The following KIAA1549 variants were observed in gnomAD, a reference collection of about 807,000 sequenced individuals.
The protein encoded by KIAA1549 is KIAA1549, also known as UPF0606 protein KIAA1549.
Under a neutral mutation model 156.4 loss-of-function variants are expected in KIAA1549, and 70 were observed. The ratio of observed to expected loss-of-function variants is 0.45; its 90% CI spans 0.37 to 0.55. KIAA1549 has a LOEUF of 0.55. Among genes scored for constraint, KIAA1549 ranks in the 20% least tolerant of loss-of-function variants. KIAA1549 has a pLI of 0.00. For missense variants in KIAA1549, 2,428 were observed against 2,540.9 expected (o/e 0.96, Z 0.96); for synonymous variants, 1,103 against 1,066.4 (o/e 1.03, Z -0.67).
chr7:138,975,428 GGACA>G (rs1814346227), intron 1 of KIAA1549, among the ~76,000 whole-genome samples: 1 of 143,464 alleles, frequency 7.0e-6, no homozygotes, highest in African/African-American at 3.0e-5. Context: ...AACAGAAAAA[GGACA>G]GATGCTGCTT....
At chr7:138,930,676 G>C (rs1563082671) in intron 1 of KIAA1549, among the ~76,000 whole-genome samples, 1 of 152,200 alleles carries the variant, frequency 6.6e-6, no homozygotes, top group Admixed American at 6.5e-5. Context: ...TTAGAGCCTT[G>C]CTCTGGATTA....
intron 4 of KIAA1549, 70 bp from the exon 5 acceptor site, chr7:138,909,191 G>C (rs988433825): frequency 2.0e-6 from 3 of 1,491,886 alleles, no homozygotes; most frequent in Non-Finnish European, 2.8e-6. Flanking sequence ...GGAATCAAGA[G>C]AGAGAAACAT....
intron 9 of KIAA1549, among the ~76,000 whole-genome samples, chr7:138,896,157 T>G (rs1432993653): frequency 6.6e-6 from 1 of 152,256 alleles, no homozygotes; most frequent in African/African-American, 2.4e-5. Context: ...CATCCGGTCT[T>G]GACGCCAAAT....
intron 12 of KIAA1549, among the ~76,000 whole-genome samples, chr7:138,875,914 G>C: frequency 6.6e-6 from 1 of 151,266 alleles, no homozygotes; most frequent in Non-Finnish European, 1.5e-5. Context: ...TCCCACCTCA[G>C]CCTCTTCAGT....
chr7:138,981,023 C>T lies in KIAA1549; in HGVS notation c.187+60G>A. Reference sequence around the variant, plus strand: ...GCGGGGAAAGCCGGGGTTTTGAAAACAGCAGCGATAAAGGCAGGCGGGGTC... The same window carrying T: ...GCGGGGAAAGCCGGGGTTTTGAAAATAGCAGCGATAAAGGCAGGCGGGGTC... On this transcript the variant is annotated intron_variant, in intron 1 of 19. Transcript: ENST00000422774. The surrounding 1 kb of genome is among the most constrained non-coding windows in gnomAD (Gnocchi z 4.5). The T allele has an allele frequency of 1.7e-6, 2 of 1,199,776 alleles. No individual in the cohort carries two copies. Among genetic ancestry groups the T allele is most frequent in the Non-Finnish European group, 2.1e-6 (2 of 965,550 alleles). The allele number at this position is 1,199,776 out of a possible 1,614,324, so 74.3% of individuals were successfully genotyped here.
At position 138,911,186 on chromosome 7, in the gene KIAA1549, A is replaced by G; in HGVS notation, c.3105T>C (p.Pro1035=). 6.3e-7 allele frequency: 1 copy of G among 1,599,600 alleles called. No homozygotes were observed. Among genetic ancestry groups the G allele is most frequent in the South Asian group, 1.1e-5 (1 of 87,606 alleles). ...ACCTGGACTCTGGCACAAGGAAAGA[A>G]GGTTTCACAGACAGGATTAAAGGAG... ...DQTPLILSVK[P]SFLVPESRFQ... The change falls in exon 4 of 20, where the codon CCT becomes CCC. Residue 1035 remains proline (P), a synonymous_variant. Coordinates refer to ENST00000422774, the MANE Select transcript of KIAA1549 (RefSeq NM_001164665.2).
At chr7:138,923,509 A>T (rs1812621859) in intron 1 of KIAA1549, among the ~76,000 whole-genome samples, 1 of 152,192 alleles carries the variant, frequency 6.6e-6, no homozygotes, top group African/African-American at 2.4e-5. Context: ...CTGAGGCAGG[A>T]GAATCACATG....
intron 15 of KIAA1549, among the ~76,000 whole-genome samples, chr7:138,863,731 C>T (rs1419838073): frequency 6.6e-6 from 1 of 152,182 alleles, no homozygotes; most frequent in Admixed American, 6.5e-5. Flanking sequence ...GGGGTAGGTG[C>T]TCTTCTCTCC....
intron 1 of KIAA1549, among the ~76,000 whole-genome samples, chr7:138,971,871 A>C (rs1238836395): frequency 6.6e-6 from 1 of 152,176 alleles, no homozygotes; most frequent in Non-Finnish European, 1.5e-5. Flanking sequence ...CTGAGCACAC[A>C]GGCTTTGACT....
chr7:138,853,010 G>C (rs2130351032), intron 16 of KIAA1549, among the ~76,000 whole-genome samples: 1 of 152,300 alleles, frequency 6.6e-6, no homozygotes, highest in East Asian at 1.9e-4. Context: ...ACATCTAAGA[G>C]ATCTGTTGTA....
At chr7:138,932,980 G>A (rs1012925764) in intron 1 of KIAA1549, among the ~76,000 whole-genome samples, 1 of 152,210 alleles carries the variant, frequency 6.6e-6, no homozygotes, top group Non-Finnish European at 1.5e-5. Context: ...CCAGGAACGG[G>A]AGGTGACAAG....
intron 9 of KIAA1549, among the ~76,000 whole-genome samples, chr7:138,897,892 CAAAAAAAA>C (rs59242488): frequency 8.0e-4 from 22 of 27,474 alleles, no homozygotes; most frequent in East Asian, 5.1e-3. Context: ...GACCCTTTCT[CAAAAAAAA>C]AAAAAAAAAA....
intron 1 of KIAA1549, among the ~76,000 whole-genome samples, chr7:138,979,835 G>T (rs1198141266): frequency 3.9e-5 from 6 of 152,240 alleles, no homozygotes; most frequent in African/African-American, 1.4e-4. Flanking sequence ...TTCAGGTGTG[G>T]ATATGTCTAT....
At chr7:138,961,857 AAAAAG>A (rs1324580874) in intron 1 of KIAA1549, among the ~76,000 whole-genome samples, 2 of 151,716 alleles carry the variant, frequency 1.3e-5, no homozygotes, top group South Asian at 2.1e-4. Flanking sequence ...AAAAAAAAAA[AAAAAG>A]AAAGAAAAGG....
chr7:138,862,838 G>A (rs1015878890), intron 15 of KIAA1549, among the ~76,000 whole-genome samples: 3 of 152,180 alleles, frequency 2.0e-5, no homozygotes, highest in Admixed American at 1.3e-4. Flanking sequence ...GCTGAAGCAG[G>A]AGAATCGCTT....
rs1166340440 is a variant in KIAA1549 at position 138,834,756 on chromosome 7, T to G, written c.*3150A>C. 4.3e-6 allele frequency: 1 copy of G among 232,646 alleles called. No homozygotes were observed. Among genetic ancestry groups the G allele is most frequent in the Non-Finnish European group, 8.5e-6 (1 of 117,720 alleles). 14.4% of individuals were successfully genotyped at this position (232,646 alleles called of 1,614,324 possible). A position where few individuals can be genotyped will look rare whatever the true frequency, so the allele number is the denominator to read the frequency against. On this transcript the variant is annotated 3_prime_UTR_variant, in exon 20 of 20. Transcript: ENST00000422774. ...CACCGCAGTAGTGCAGCGTTTCACA[T>G]CACTCATCCTAGGGCGTCCACATAG...
chr7:138,841,749 G>C (rs1300896624), intron 18 of KIAA1549, among the ~76,000 whole-genome samples: 1 of 152,052 alleles, frequency 6.6e-6, no homozygotes, highest in Admixed American at 6.6e-5. Flanking sequence ...TATTTTAAGA[G>C]ATGGGGTCTC....
At chr7:138,927,142 A>C (rs78599018) in intron 1 of KIAA1549, among the ~76,000 whole-genome samples, 3,758 of 152,300 alleles carry the variant, frequency 0.025, 74 homozygotes, top group Admixed American at 0.043. Flanking sequence ...TTTTTTGTAC[A>C]TAATTTTTTC....
chr7:138,918,999 T>C lies in KIAA1549; in HGVS notation c.627A>G (p.Thr209=), dbSNP rs368226879. The C allele has an allele frequency of 6.2e-5, 100 of 1,613,920 alleles. No individual in the cohort carries two copies. The African/African-American group carries it at 7.2e-4, about 12-fold the overall frequency. The stretch of plus-strand genomic sequence containing the variant: ...GTCGCGTTGTGTTCTGCCAGCCCGA[T>C]GTCACTTCTTCATCTTGTAAAGAAA... ...PMVSLQDEEV[T]SGWQNTTRQP... is the part of the protein sequence containing the mutation. Residue 209 remains threonine, a synonymous_variant, in exon 2 of 20, where the codon ACA becomes ACG. Coordinates refer to ENST00000422774, the MANE Select transcript of KIAA1549 (RefSeq NM_001164665.2). The surrounding 1 kb of genome is among the most constrained non-coding windows in gnomAD (Gnocchi z 4.2).
Sources: allele counts gnomAD v4.1 joint callset (sites outside exome capture counted in the v4.1 genomes callset), GRCh38; gene constraint gnomAD v4.1.1; non-coding constraint Gnocchi (gnomAD v3.1); transcripts MANE v1.5; gene names NCBI Gene and HGNC (gene_info 2026-07-23, HGNC 2026-07-21).